C5orf24: variants seen among roughly 807,000 people sequenced by gnomAD.
C5orf24 encodes UPF0461 protein C5orf24.
In C5orf24, 4 loss-of-function variants were observed where a neutral mutation model predicts 9.8. The ratio of observed to expected loss-of-function variants is 0.41; its 90% CI spans 0.20 to 0.93. The LOEUF (loss-of-function observed/expected upper bound fraction) is 0.93. C5orf24 is among the 40% of genes least tolerant of loss of function. C5orf24 has a pLI of 0.33. For synonymous variants in C5orf24, 73 were observed against 81.3 expected (o/e 0.90, Z 0.55); for missense variants, 170 against 236.9 (o/e 0.72, Z 1.85).
At chr5:134,847,214 T>A (rs1756020142) in intron 1 of C5orf24, among the ~76,000 whole-genome samples, 1 of 152,234 alleles carries the variant, frequency 6.6e-6, no homozygotes, top group South Asian at 2.1e-4. Flanking sequence ...GCTTTAAGTA[T>A]TCGAATTTAG....
At chr5:134,843,538 C>T (rs1245862052), upstream of C5orf24, among the ~76,000 whole-genome samples, 1 of 151,934 alleles carries the variant, frequency 6.6e-6, no homozygotes, top group Non-Finnish European at 1.5e-5. Flanking sequence ...AGCGATCCTC[C>T]CGCCTCAGCC....
At chr5:134,853,378 A>C (rs1756215259) in intron 1 of C5orf24, among the ~76,000 whole-genome samples, 1 of 150,776 alleles carries the variant, frequency 6.6e-6, no homozygotes, top group Non-Finnish European at 1.5e-5. Context: ...AAAAAAAAAA[A>C]AACCTGTCAT....
chr5:134,856,923 T>G lies in C5orf24; in HGVS notation c.*1456T>G. Reference sequence around the variant, plus strand: ...CATGTAAAAAATATGTTGGTTAGTTTAATTAAAAATCTTATTGTGGGTCCA... The same window carrying G: ...CATGTAAAAAATATGTTGGTTAGTTGAATTAAAAATCTTATTGTGGGTCCA... On this transcript the variant is annotated 3_prime_UTR_variant, in exon 2 of 2. Transcript: ENST00000394976. 22 of 1,001,676 alleles carry G rather than the reference T, an allele frequency of 2.2e-5. No individual in the cohort carries two copies. Among genetic ancestry groups the G allele is most frequent in the Non-Finnish European group, 2.5e-5 (21 of 831,016 alleles). 62.0% of individuals were successfully genotyped at this position (1,001,676 alleles called of 1,614,324 possible). A position where few individuals can be genotyped will look rare whatever the true frequency, so the allele number is the denominator to read the frequency against.
intron 1 of C5orf24, among the ~76,000 whole-genome samples, chr5:134,848,602 G>C (rs1342779584): frequency 1.4e-5 from 2 of 141,978 alleles, no homozygotes; most frequent in African/African-American, 5.3e-5. Context: ...TGGAGGTTGC[G>C]GTAAGCCAAG....
At chr5:134,848,758 C>A (rs1287887729) in intron 1 of C5orf24, among the ~76,000 whole-genome samples, 1 of 148,278 alleles carries the variant, frequency 6.7e-6, no homozygotes, top group African/African-American at 2.5e-5. Flanking sequence ...GTCAGGAGTT[C>A]GAGACCAGCC....
chr5:134,845,915 T>TGCGAGTGAGCGTGTGCGTGCGCGGCCCTC (rs1236429880), upstream of C5orf24: 1 of 152,248 alleles, frequency 6.6e-6, no homozygotes, highest in African/African-American at 2.4e-5. Context: ...GGTCTCGCGA[T>TGCGAGTGAGCGTGTGCGTGCGCGGCCCTC]GCGAGTGAGC....
chr5:134,851,925 G>T (rs529294207), intron 1 of C5orf24, among the ~76,000 whole-genome samples: 1 of 152,250 alleles, frequency 6.6e-6, no homozygotes, highest in Non-Finnish European at 1.5e-5. Context: ...TTGAGCTAGT[G>T]AAATGATAAT....
intron 1 of C5orf24, among the ~76,000 whole-genome samples, chr5:134,853,579 G>C (rs1042636492): frequency 8.7e-6 from 1 of 115,518 alleles, no homozygotes; most frequent in Non-Finnish European, 1.6e-5. Context: ...ATCTTGCTAT[G>C]CTGCCCAGGC....
chr5:134,855,747 A>G lies in C5orf24; in HGVS notation c.*280A>G. 7.7e-7 allele frequency: 1 copy of G among 1,301,478 alleles called. No individual in the cohort carries two copies. Among genetic ancestry groups the G allele is most frequent in the South Asian group, 1.7e-5 (1 of 57,214 alleles). The allele number at this position is 1,301,478 out of a possible 1,614,324, so 80.6% of individuals were successfully genotyped here. ...TTATGGTCATGTCTCATGTTTCATT[A>G]CTACTTTGGGGCTGTTCTAAATAGA... On this transcript the variant is annotated 3_prime_UTR_variant, in exon 2 of 2. Coordinates refer to ENST00000394976, the MANE Select transcript of C5orf24 (RefSeq NM_001135586.1).
the C5orf24 span, among the ~76,000 whole-genome samples, chr5:134,840,300 C>T: frequency 1.8e-5 from 2 of 108,496 alleles, no homozygotes; most frequent in Admixed American, 2.3e-4. Flanking sequence ...AGCGAGACTG[C>T]ATCTCAAAAA....
At position 134,855,048 on chromosome 5, in the gene C5orf24, C is replaced by G; in HGVS notation, c.148C>G (p.Pro50Ala). ...SKYSHTVNHK[P>A]MVCQRQDPLN... is the part of the protein sequence containing the mutation. ...ATACAGCCACACAGTCAACCACAAA[C>G]CAATGGTTTGTCAGAGGCAAGACCC... Residue 50 changes from proline (P) to alanine (A), a missense_variant, in exon 2 of 2, where the codon CCA (proline) becomes GCA (alanine). Pro to Ala is a conservative substitution (Grantham distance 27, BLOSUM62 -1). Coordinates refer to ENST00000394976, the MANE Select transcript of C5orf24 (RefSeq NM_001135586.1). 1 of 1,614,116 alleles carries G rather than the reference C, an allele frequency of 6.2e-7. No homozygotes were observed. The highest frequency in any genetic ancestry group is 8.5e-7 in the Non-Finnish European group (1 of 1,180,032).
intron 1 of C5orf24, among the ~76,000 whole-genome samples, chr5:134,848,637 G>A (rs1425242073): frequency 2.3e-5 from 3 of 131,318 alleles, no homozygotes; most frequent in South Asian, 2.5e-4. Context: ...CTCCAGCCTG[G>A]GCAAGAGCAA....
In C5orf24 at chr5:134,857,534, TG is replaced by T; in HGVS notation, c.*2069del. 1 of 1,147,858 alleles carries T rather than the reference TG, an allele frequency of 8.7e-7. No homozygotes were observed. Among genetic ancestry groups the T allele is most frequent in the Admixed American group, 3.7e-5 (1 of 26,870 alleles). The allele number at this position is 1,147,858 out of a possible 1,614,324, so 71.1% of individuals were successfully genotyped here. The stretch of plus-strand genomic sequence containing the variant: ...ACAAACCATAGAGAACGATGTTGGA[TG>T]GTTACATAATCAGTTATAACATTCT... On this transcript the variant is annotated 3_prime_UTR_variant, in exon 2 of 2. Coordinates refer to ENST00000394976, the MANE Select transcript of C5orf24 (RefSeq NM_001135586.1).
chr5:134,839,508 G>A, the C5orf24 span, among the ~76,000 whole-genome samples: 6 of 152,104 alleles, frequency 3.9e-5, no homozygotes, highest in African/African-American at 1.4e-4. Flanking sequence ...TATAGAAGAT[G>A]TGGTTTGTGG....
Position 134,855,042 on chromosome 5 carries a change from C to T in C5orf24, c.142C>T (p.His48Tyr), listed in dbSNP as rs189210384. The change falls in exon 2 of 2, where the codon CAC becomes TAC. Residue 48 changes from histidine (H) to tyrosine (Y), a missense_variant. Transcript: ENST00000394976. ...AAGCAAATACAGCCACACAGTCAACCACAAACCAATGGTTTGTCAGAGGCA... is the reference window on the plus strand; with the variant it reads ...AAGCAAATACAGCCACACAGTCAACTACAAACCAATGGTTTGTCAGAGGCA... ...QQSKYSHTVN[H>Y]KPMVCQRQDP... 39 of 1,614,086 alleles carry T rather than the reference C, an allele frequency of 2.4e-5. No individual in the cohort carries two copies. Among genetic ancestry groups the T allele is most frequent in the African/African-American group, 4.0e-5 (3 of 75,006 alleles).
chr5:134,849,846 C>T (rs542420886), intron 1 of C5orf24, among the ~76,000 whole-genome samples: 6 of 151,626 alleles, frequency 4.0e-5, no homozygotes, highest in East Asian at 1.9e-4. Context: ...TTTGTAGTGA[C>T]GGGGTTTCTC....
chr5:134,846,897 C>G (rs1424568685), intron 1 of C5orf24: 1 of 152,112 alleles, frequency 6.6e-6, no homozygotes, highest in East Asian at 1.9e-4. Context: ...AATTATGAAA[C>G]GTATATGATT....
Position 134,855,826 on chromosome 5 carries a change from G to T in C5orf24, c.*359G>T. ...TTATACCTATTAGTTTGTGAAGTAA[G>T]CCTACAGTATAATAAAGACACTAAC... On this transcript the variant is annotated 3_prime_UTR_variant, in exon 2 of 2. Coordinates refer to ENST00000394976, the MANE Select transcript of C5orf24 (RefSeq NM_001135586.1). The T allele has an allele frequency of 9.1e-7, 1 of 1,104,828 alleles. No homozygotes were observed. The allele number at this position is 1,104,828 out of a possible 1,614,324, so 68.4% of individuals were successfully genotyped here. A position where few individuals can be genotyped will look rare whatever the true frequency, so the allele number is the denominator to read the frequency against.
the C5orf24 span, among the ~76,000 whole-genome samples, chr5:134,834,672 T>A: frequency 2.0e-5 from 3 of 152,094 alleles, no homozygotes; most frequent in African/African-American, 7.2e-5. Flanking sequence ...ATCCCAGCAC[T>A]TTGGGAGGCC....
Sources: allele counts gnomAD v4.1 joint callset (sites outside exome capture counted in the v4.1 genomes callset), GRCh38; gene constraint gnomAD v4.1.1; transcripts MANE v1.5; gene names NCBI Gene and HGNC (gene_info 2026-07-23, HGNC 2026-07-21).